SLFN13: variants seen among roughly 807,000 people sequenced by gnomAD.
The protein encoded by SLFN13 is schlafen family member 13.
Under a neutral mutation model 50.6 loss-of-function variants are expected in SLFN13, and 43 were observed. The ratio of observed to expected loss-of-function variants is 0.85; its 90% CI spans 0.67 to 1.09. The LOEUF is 1.09. SLFN13 is among the 50% of genes least tolerant of loss of function. The pLI is 0.00. For synonymous variants in SLFN13, 339 were observed against 386.5 expected (o/e 0.88, Z 1.44); for missense variants, 881 against 1,071.1 (o/e 0.82, Z 2.48).
intron 4 of SLFN13, among the ~76,000 whole-genome samples, chr17:35,442,695 G>T (rs554300725): frequency 2.6e-5 from 4 of 151,934 alleles, no homozygotes; most frequent in African/African-American, 9.7e-5. Flanking sequence ...TGCCCGCCTC[G>T]GCCTCCCAAA....
In SLFN13 at chr17:35,440,786, C is replaced by A. The variant is rs777516314; in HGVS notation, c.2503G>T (p.Val835Leu). 2.5e-6 allele frequency: 4 copies of A among 1,613,958 alleles called. No homozygotes were observed. Among genetic ancestry groups the A allele is most frequent in the Admixed American group, 1.7e-5 (1 of 59,994 alleles). Residue 835 changes from valine (V) to leucine (L), a missense_variant, in exon 6 of 6, where the codon GTG becomes TTG. This residue lies in a region of SLFN13 where 322 missense variants were observed against 327.4 expected (regional missense o/e 0.98). Coordinates refer to ENST00000285013, the MANE Select transcript of SLFN13 (RefSeq NM_144682.6). ...KLLKAMRKKMVVQLSDACDML... is the reference protein window; with the variant it reads ...KLLKAMRKKMLVQLSDACDML... ...TCACATGCATCACTGAGCTGCACCA[C>A]CATTTTCTTCCTCATTGCTTTCAAG...
At chr17:35,447,785 A>C (rs981331976) in intron 1 of SLFN13, among the ~76,000 whole-genome samples, 3 of 152,048 alleles carry the variant, frequency 2.0e-5, no homozygotes, top group African/African-American at 7.2e-5. Context: ...GGAGGGAGAC[A>C]TTTTTCTCAT....
At chr17:35,444,570 G>A in intron 3 of SLFN13, 45 bp downstream of exon 3, 3 of 1,530,234 alleles carry the variant, frequency 2.0e-6, no homozygotes, top group Non-Finnish European at 2.7e-6. Context: ...TGGTATTGGG[G>A]AAGAGGTAGA....
At position 35,445,253 on chromosome 17, in the gene SLFN13, AGCACAGAGGT is replaced by A. The variant is rs1282587192; in HGVS notation, c.418_427del (p.Thr140PhefsTer3). ...GAATGCCTGTCTTGAATTCATGTGAAGCACAGAGGTGCCAGATCTACAGTATAATGAAGAA... is the reference window on the plus strand; with the variant it reads ...GAATGCCTGTCTTGAATTCATGTGAAGCCAGATCTACAGTATAATGAAGAA... On this transcript the variant is annotated frameshift_variant, in exon 3 of 6. Transcript: ENST00000285013. LOFTEE classifies it high-confidence loss of function. 1 of 1,614,042 alleles carries A rather than the reference AGCACAGAGGT, an allele frequency of 6.2e-7. No individual in the cohort carries two copies. Among genetic ancestry groups the A allele is most frequent in the East Asian group, 2.2e-5 (1 of 44,878 alleles).
chr17:35,443,551 T>C (rs932736585), intron 4 of SLFN13, among the ~76,000 whole-genome samples: 8 of 152,176 alleles, frequency 5.3e-5, no homozygotes, highest in Non-Finnish European at 7.3e-5. Context: ...GTTCTTGGTG[T>C]GGGCCTGGAG....
chr17:35,445,599 C>A lies in SLFN13; in HGVS notation c.82G>T (p.Glu28Ter). 6.2e-7 allele frequency: 1 copy of A among 1,614,122 alleles called. No individual in the cohort carries two copies. The highest frequency in any genetic ancestry group is 8.5e-7 in the Non-Finnish European group (1 of 1,180,016). Residue 28 changes from glutamate to a stop codon, truncating the protein, a stop_gained, in exon 3 of 6, where the codon GAA becomes TAA. Transcript: ENST00000285013. LOFTEE classifies it high-confidence loss of function. ...VIDVGEVTLG[E>*]ENRKKLQKTQ... is the part of the protein sequence containing the mutation. ...TTCTGTAGCTTTTTTCTGTTTTCTT[C>A]TCCCAGAGTCACTTCTCCGACATCG...
intron 1 of SLFN13, among the ~76,000 whole-genome samples, 161 bp downstream of exon 1, chr17:35,448,561 C>T (rs1278570042): frequency 1.3e-5 from 2 of 152,050 alleles, no homozygotes; most frequent in Non-Finnish European, 2.9e-5. Flanking sequence ...CGCAAATACC[C>T]CGACTCCACC....
upstream of SLFN13, among the ~76,000 whole-genome samples, chr17:35,449,428 T>C (rs556389615): frequency 4.9e-4 from 75 of 152,104 alleles, 1 homozygote; most frequent in South Asian, 0.014. Context: ...CGCCCGAGCT[T>C]TCCCCTTCCA....
At chr17:35,444,359 A>G (rs1314802151) in intron 3 of SLFN13, among the ~76,000 whole-genome samples, 2 of 152,202 alleles carry the variant, frequency 1.3e-5, no homozygotes, top group African/African-American at 2.4e-5. Flanking sequence ...ACAGATTCCA[A>G]TTCAATGGTT....
At position 35,440,407 on chromosome 17, in the gene SLFN13, G is replaced by A. The variant is rs1350275067; in HGVS notation, c.*188C>T. On this transcript the variant is annotated 3_prime_UTR_variant, in exon 6 of 6. Coordinates refer to ENST00000285013, the MANE Select transcript of SLFN13 (RefSeq NM_144682.6). ...AGAATGGGGGGCAGCCACCACTGCT[G>A]AAAAGAGTTGGGGGAGGAACCCCTG... 2.9e-5 allele frequency: 20 copies of A among 684,832 alleles called. No individual in the cohort carries two copies. The highest frequency in any genetic ancestry group is 4.6e-5 in the Non-Finnish European group (19 of 412,868). 42.4% of individuals were successfully genotyped at this position (684,832 alleles called of 1,614,324 possible).
In SLFN13 at chr17:35,441,683, G is replaced by C. The variant is rs1912903118; in HGVS notation, c.1802C>G (p.Pro601Arg). ...GGCCATGATGGTCTTCCCTGAGCCA[G>C]GTAAGCCGTGGACAAACAACTCTCT... ...KNRELFVHGL[P>R]GSGKTIMAMK... The change falls in exon 5 of 6, where the codon CCT becomes CGT. Residue 601 changes from proline (P) to arginine (R), a missense_variant. By Grantham distance (103) the Pro-to-Arg change is moderately radical. This residue lies in a region of SLFN13 where 25 missense variants were observed against 64.4 expected (regional missense o/e 0.39). Transcript: ENST00000285013. 6.2e-7 allele frequency: 1 copy of C among 1,602,352 alleles called. No individual in the cohort carries two copies. Among genetic ancestry groups the C allele is most frequent in the South Asian group, 1.1e-5 (1 of 90,492 alleles).
chr17:35,443,983 G>A (rs1254152406), intron 3 of SLFN13, 63 bp from the exon 4 acceptor site: 23 of 1,504,550 alleles, frequency 1.5e-5, no homozygotes, highest in Non-Finnish European at 2.0e-5. Context: ...GGAATAGGCT[G>A]TACAAGGCTG....
At position 35,440,634 on chromosome 17, in the gene SLFN13, C is replaced by T; in HGVS notation, c.2655G>A (p.Leu885=). ...ATAGGTGCTGTTTTGCCCTGGAAGC[C>T]AGACAGATCAGAATATTGGGTAAGA... ...PAILPNILIC[L]ASRAKQHLYI... Residue 885 remains leucine (L), a synonymous_variant, in exon 6 of 6, where the codon CTG becomes CTA. Coordinates refer to ENST00000285013, the MANE Select transcript of SLFN13 (RefSeq NM_144682.6). 1 of 1,614,142 alleles carries T rather than the reference C, an allele frequency of 6.2e-7. No individual in the cohort carries two copies. The highest frequency in any genetic ancestry group is 8.5e-7 in the Non-Finnish European group (1 of 1,180,026).
chr17:35,439,575 TC>T lies in SLFN13; in HGVS notation c.*1019del, dbSNP rs1275274101. The T allele has an allele frequency of 6.6e-6, 1 of 152,154 alleles. No individual in the cohort carries two copies. Among genetic ancestry groups the T allele is most frequent in the African/African-American group, 2.4e-5 (1 of 41,428 alleles). The allele number at this position is 152,154 out of a possible 1,614,324, so 9.4% of individuals were successfully genotyped here. A position where few individuals can be genotyped will look rare whatever the true frequency, so the allele number is the denominator to read the frequency against. On this transcript the variant is annotated 3_prime_UTR_variant, in exon 6 of 6. Transcript: ENST00000285013. Reference sequence around the variant, plus strand: ...TCACTGCAACCTCTGCCTCCAGGATTCAAGTGATTCTCATGCTTCAGCCTCC... The same window carrying T: ...TCACTGCAACCTCTGCCTCCAGGATTAAGTGATTCTCATGCTTCAGCCTCC...
At chr17:35,449,069 AC>A (rs1469666480), upstream of SLFN13, among the ~76,000 whole-genome samples, 1 of 151,398 alleles carries the variant, frequency 6.6e-6, no homozygotes, top group East Asian at 2.0e-4. Flanking sequence ...AACAACAACA[AC>A]AACAAAATTA....
Position 35,440,541 on chromosome 17 carries a change from C to T in SLFN13, c.*54G>A. 1 of 1,577,488 alleles carries T rather than the reference C, an allele frequency of 6.3e-7. No homozygotes were observed. The highest frequency in any genetic ancestry group is 8.7e-7 in the Non-Finnish European group (1 of 1,154,734). ...AAGGTTTCTACCATCAGCAGACTGT[C>T]ACCCATAGACATTTACACAGTATTT... On this transcript the variant is annotated 3_prime_UTR_variant, in exon 6 of 6. Coordinates refer to ENST00000285013, the MANE Select transcript of SLFN13 (RefSeq NM_144682.6).
Position 35,438,225 on chromosome 17 carries a change from T to C in SLFN13, c.*2370A>G, listed in dbSNP as rs1266597473. 2.0e-5 allele frequency: 3 copies of C among 152,084 alleles called. No individual in the cohort carries two copies. Among genetic ancestry groups the C allele is most frequent in the Non-Finnish European group, 2.9e-5 (2 of 68,028 alleles). 9.4% of individuals were successfully genotyped at this position (152,084 alleles called of 1,614,324 possible). A position where few individuals can be genotyped will look rare whatever the true frequency, so the allele number is the denominator to read the frequency against. On this transcript the variant is annotated 3_prime_UTR_variant, in exon 6 of 6. Coordinates refer to ENST00000285013, the MANE Select transcript of SLFN13 (RefSeq NM_144682.6). ...TCTCCTTTTCCTCCATTTAATCATT[T>C]ATTTTACAGAACCTTTTTTTTCAGT...
In SLFN13 at chr17:35,445,294, G is replaced by A. The variant is rs201392367; in HGVS notation, c.387C>T (p.Ser129=). The A allele has an allele frequency of 1.9e-6, 3 of 1,613,820 alleles. No homozygotes were observed. The African/African-American group carries it at 4.0e-5, about 22-fold the overall frequency. ...ATCTACAGTATAATGAAGAACTAAG[G>A]CTGCAAATGCGGGAATTGAAAGAAC... ...KDGSFNSRIC[S]LSSSLYCRSG... Residue 129 remains serine (S), a synonymous_variant, in exon 3 of 6, where the codon AGC becomes AGT. Coordinates refer to ENST00000285013, the MANE Select transcript of SLFN13 (RefSeq NM_144682.6).
rs1480038671 is a variant in SLFN13, at chr17:35,445,377, C to T, written c.304G>A (p.Gly102Arg). 5 of 1,614,018 alleles carry T rather than the reference C, an allele frequency of 3.1e-6. No individual in the cohort carries two copies. The highest frequency in any genetic ancestry group is 4.5e-5 in the East Asian group (2 of 44,878). The change falls in exon 3 of 6, where the codon GGA (glycine) becomes AGA (arginine). Residue 102 changes from glycine (G) to arginine (R), a missense_variant. Transcript: ENST00000285013. ...TTAACAAAAATATAAAAACACCTTCCGTGTTGCTTAGTCTCAAAGAAAGCC... is the reference window on the plus strand; with the variant it reads ...TTAACAAAAATATAAAAACACCTTCTGTGTTGCTTAGTCTCAAAGAAAGCC... ...LQAFFETKQHGRCFYIFVKSW... is the reference protein window; with the variant it reads ...LQAFFETKQHRRCFYIFVKSW...
Sources: gnomAD v4.1 joint callset for allele counts (sites outside exome capture counted in the v4.1 genomes callset) on GRCh38, gnomAD v4.1.1 for gene constraint, gnomAD v4.1.1 regional missense constraint, MANE v1.5 for transcripts, NCBI Gene and HGNC (gene_info 2026-07-23, HGNC 2026-07-21) for gene names.